Variants in SAXO1 observed in about 807,000 individuals in gnomAD.
The protein encoded by SAXO1 is stabilizer of axonemal microtubules 1, also known as 4930500O09Rik.
Under a neutral mutation model 17.5 loss-of-function variants are expected in SAXO1, and 21 were observed. That is an observed-to-expected ratio of 1.20 (90% CI 0.85 to 1.72). SAXO1 has a LOEUF of 1.72. SAXO1 is among the 40% of genes most tolerant of loss of function. The probability of loss-of-function intolerance (pLI) is 0.00; values close to 1 mark genes in which losing one functional copy is unlikely to be tolerated. For missense variants in SAXO1, 843 were observed against 596.0 expected (o/e 1.41, Z -4.32); for synonymous variants, 274 against 216.5 (o/e 1.27, Z -2.33).
At chr9:19,045,188 T>C (rs1836179050) in intron 1 of SAXO1, among the ~76,000 whole-genome samples, 1 of 150,568 alleles carries the variant, frequency 6.6e-6, no homozygotes, top group Non-Finnish European at 1.5e-5. Flanking sequence ...CGGGCGCCTG[T>C]AGTCCCAGCT....
At chr9:18,999,543 G>A (rs1588505629) in intron 1 of SAXO1, among the ~76,000 whole-genome samples, 1 of 150,796 alleles carries the variant, frequency 6.6e-6, no homozygotes, top group Admixed American at 6.6e-5. Flanking sequence ...ACACCGTCTG[G>A]GAAGTGAGGA....
chr9:19,041,119 C>T (rs904637347), intron 1 of SAXO1, among the ~76,000 whole-genome samples: 3 of 133,302 alleles, frequency 2.3e-5, no homozygotes, highest in Admixed American at 1.6e-4. Context: ...AACCAACATA[C>T]GAAAATCAGG....
intron 1 of SAXO1, among the ~76,000 whole-genome samples, chr9:19,022,967 C>G (rs1835311000): frequency 1.3e-5 from 2 of 152,128 alleles, no homozygotes; most frequent in South Asian, 4.1e-4. Flanking sequence ...AGCAACTTAA[C>G]CTTAGTGTTT....
chr9:18,941,641 A>ATAAG lies in SAXO1; in HGVS notation c.413_416dup (p.Lys140LeufsTer2). The ATAAG allele has an allele frequency of 6.2e-7, 1 of 1,614,046 alleles. No individual in the cohort carries two copies. ...TGCCCCTCTGTGCTCTCCCACCTTT[A>ATAAG]TAAGTAGGCAAACACTCCATCTTGT... On this transcript the variant is annotated frameshift_variant, in exon 3 of 4. Transcript: ENST00000380534. LOFTEE classifies it low-confidence loss of function (END_TRUNC).
intron 1 of SAXO1, among the ~76,000 whole-genome samples, chr9:19,022,939 C>G (rs1458321231): frequency 2.0e-5 from 3 of 152,062 alleles, no homozygotes; most frequent in Non-Finnish European, 4.4e-5. Context: ...TGAAGACTTG[C>G]AAAGTTCAAA....
chr9:18,933,575 A>G (rs1258970260), intron 3 of SAXO1, among the ~76,000 whole-genome samples: 2 of 152,128 alleles, frequency 1.3e-5, no homozygotes, highest in African/African-American at 2.4e-5. Context: ...CTTGCAAGCT[A>G]GGTACCTGTA....
At chr9:18,990,168 CT>C (rs11344361) in intron 1 of SAXO1, among the ~76,000 whole-genome samples, 83,796 of 148,348 alleles carry the variant, frequency 0.56, 24,952 homozygotes, top group Non-Finnish European at 0.68. Flanking sequence ...GAGTCATGGA[CT>C]TTTTTTTTTT....
At chr9:19,019,736 A>T (rs1210381151) in intron 1 of SAXO1, among the ~76,000 whole-genome samples, 1 of 152,114 alleles carries the variant, frequency 6.6e-6, no homozygotes, top group East Asian at 1.9e-4. Flanking sequence ...TCAAAAGAAA[A>T]AAGAAAGAAA....
intron 1 of SAXO1, among the ~76,000 whole-genome samples, chr9:18,955,108 G>A (rs920543656): frequency 1.3e-5 from 2 of 152,128 alleles, no homozygotes; most frequent in African/African-American, 4.8e-5. Context: ...GAGGAGAGGG[G>A]ATGCTTGAGT....
chr9:18,973,403 C>T lies in SAXO1; in HGVS notation c.39-22466G>A, dbSNP rs192417573. Reference sequence around the variant, plus strand: ...AGTGTTGTAGACAGGTATCACAGGACACTGCATGCCAAGTGAAATTTCAGA... The same window carrying T: ...AGTGTTGTAGACAGGTATCACAGGATACTGCATGCCAAGTGAAATTTCAGA... On this transcript the variant is annotated intron_variant, in intron 1 of 3. Coordinates refer to ENST00000380534, the MANE Select transcript of SAXO1 (RefSeq NM_153707.4). 5.9e-5 allele frequency among the ~76,000 whole-genome samples: 9 copies of T among 152,366 alleles called. No homozygotes were observed. In the East Asian group the frequency reaches 1.7e-3, roughly 29 times the overall value.
At chr9:19,022,719 G>A (rs1835300094) in intron 1 of SAXO1, among the ~76,000 whole-genome samples, 1 of 152,082 alleles carries the variant, frequency 6.6e-6, no homozygotes, top group African/African-American at 2.4e-5. Context: ...TAGAATGAAG[G>A]GCTTTTGGAT....
rs780839923 is a variant in SAXO1, at chr9:18,928,320, G to C, written c.1157C>G (p.Thr386Ser). 6.2e-7 allele frequency: 1 copy of C among 1,613,514 alleles called. No homozygotes were observed. Among genetic ancestry groups the C allele is most frequent in the South Asian group, 1.1e-5 (1 of 90,970 alleles). The change falls in exon 4 of 4, where the codon ACC (threonine) becomes AGC (serine). Residue 386 changes from threonine to serine, a missense_variant. By Grantham distance (58) the Thr-to-Ser change is moderately conservative. Coordinates refer to ENST00000380534, the MANE Select transcript of SAXO1 (RefSeq NM_153707.4). ...AHYVPHLPIN[T>S]KSCKPHWSGP... ...AGACCAATGAGGCTTACAGCTTTTG[G>C]TATTGATAGGCAGGTGGGGCACATA...
intron 1 of SAXO1, among the ~76,000 whole-genome samples, chr9:18,971,642 T>C (rs984945823): frequency 6.6e-6 from 1 of 152,160 alleles, no homozygotes; most frequent in African/African-American, 2.4e-5. Context: ...AGTTTAATTA[T>C]TACCACAGCT....
intron 1 of SAXO1, among the ~76,000 whole-genome samples, chr9:19,016,410 T>C (rs1033065871): frequency 6.6e-6 from 1 of 152,092 alleles, no homozygotes; most frequent in Admixed American, 6.5e-5. Context: ...CACTCCAGCA[T>C]GGGCGACAGA....
intron 1 of SAXO1, among the ~76,000 whole-genome samples, chr9:19,046,382 G>C (rs970278798): frequency 1.3e-5 from 2 of 152,050 alleles, no homozygotes; most frequent in East Asian, 3.9e-4. Flanking sequence ...AAATAAGAAA[G>C]GGTTACCAAA....
At chr9:19,000,380 C>A (rs919018603) in intron 1 of SAXO1, among the ~76,000 whole-genome samples, 4 of 149,072 alleles carry the variant, frequency 2.7e-5, no homozygotes, top group Admixed American at 2.7e-4. Context: ...ACCCAACTGA[C>A]TGGGAAGTGA....
In SAXO1 at chr9:18,936,420, C is replaced by T. The variant is rs150051408; in HGVS notation, c.421+5217G>A. On this transcript the variant is annotated intron_variant, in intron 3 of 3. Transcript: ENST00000380534. ...GGAGGCATCTACCTGTAGATGCCTA[C>T]GCACTCCCTCAAGGTACTTGGGGGT... Among the ~76,000 whole-genome samples the T allele has an allele frequency of 3.6e-3, 546 of 152,190 alleles. 6 individuals are homozygous for T. Among genetic ancestry groups the T allele is most frequent in the Non-Finnish European group, 4.0e-3 (271 of 67,992 alleles).
At chr9:19,045,047 A>T (rs1254194218) in intron 1 of SAXO1, among the ~76,000 whole-genome samples, 1 of 151,070 alleles carries the variant, frequency 6.6e-6, no homozygotes, top group African/African-American at 2.4e-5. Flanking sequence ...GCGGTGGCTC[A>T]CGCCTGTAAT....
intron 1 of SAXO1, among the ~76,000 whole-genome samples, chr9:19,039,779 A>G (rs1836031566): frequency 6.6e-6 from 1 of 152,158 alleles, no homozygotes; most frequent in Admixed American, 6.5e-5. Flanking sequence ...CCCAGGCTGG[A>G]GTGTGATGGG....
Sources: gnomAD v4.1 joint callset for allele counts (sites outside exome capture counted in the v4.1 genomes callset) on GRCh38, gnomAD v4.1.1 for gene constraint, MANE v1.5 for transcripts, NCBI Gene and HGNC (gene_info 2026-07-23, HGNC 2026-07-21) for gene names.